Variants in MSRA observed in about 807,000 individuals in gnomAD.
MSRA encodes the protein mitochondrial peptide methionine sulfoxide reductase.
A neutral mutation model predicts 31.3 loss-of-function variants in MSRA; 54 were observed. The ratio of observed to expected loss-of-function variants is 1.73; its 90% CI spans 1.39 to 2.17. MSRA has a LOEUF of 2.17. Among genes scored for constraint, MSRA ranks in the 30% most tolerant of loss-of-function variants. MSRA has a pLI of 0.00. For synonymous variants in MSRA, 169 were observed against 116.5 expected, an observed-to-expected ratio of 1.45 and a Z score of -2.90; for missense variants, 507 against 300.9, an observed-to-expected ratio of 1.69 and a Z score of -5.07.
chr8:10,059,822 G>A (rs1012131399), intron 1 of MSRA, among the ~76,000 whole-genome samples: 1 of 152,196 alleles, frequency 6.6e-6, no homozygotes, highest in Non-Finnish European at 1.5e-5. Context: ...GTAGACGTTA[G>A]GTTATGAACA....
At chr8:10,091,218 A>C (rs558684076) in intron 1 of MSRA, among the ~76,000 whole-genome samples, 1 of 152,324 alleles carries the variant, frequency 6.6e-6, no homozygotes, top group East Asian at 1.9e-4. Flanking sequence ...TATATTCGTA[A>C]CGATATTGGT....
At chr8:10,132,644 T>TA (rs903406060) in intron 1 of MSRA, among the ~76,000 whole-genome samples, 5 of 152,228 alleles carry the variant, frequency 3.3e-5, no homozygotes, top group Non-Finnish European at 7.3e-5. Context: ...ATAAGGGCAC[T>TA]AATCCCATTC....
intron 1 of MSRA, among the ~76,000 whole-genome samples, chr8:10,153,098 T>G (rs1803849871): frequency 6.6e-6 from 1 of 152,206 alleles, no homozygotes; most frequent in Non-Finnish European, 1.5e-5. Flanking sequence ...TCAGTGTGAA[T>G]GTACTTACCA....
intron 5 of MSRA, among the ~76,000 whole-genome samples, chr8:10,339,531 CTTTTTTTTTTTTTTT>C (rs774034241): frequency 5.5e-5 from 4 of 72,832 alleles, no homozygotes; most frequent in African/African-American, 2.5e-4. Flanking sequence ...TTCTTTCTTT[CTTTTTTTTTTTTTTT>C]TTTTTTTTTT....
intron 1 of MSRA, among the ~76,000 whole-genome samples, chr8:10,154,567 C>T (rs918506306): frequency 7.9e-5 from 12 of 152,046 alleles, no homozygotes; most frequent in African/African-American, 2.9e-4. Context: ...TTAGTAGAGA[C>T]AGGATTTCAC....
intron 1 of MSRA, among the ~76,000 whole-genome samples, chr8:10,073,444 A>C (rs1440304511): frequency 6.6e-6 from 1 of 152,244 alleles, no homozygotes; most frequent in Non-Finnish European, 1.5e-5. Flanking sequence ...TAGTTGTGAT[A>C]GTGACCATAT....
chr8:10,187,367 A>G (rs1807144156), intron 1 of MSRA, among the ~76,000 whole-genome samples: 1 of 152,214 alleles, frequency 6.6e-6, no homozygotes, highest in South Asian at 2.1e-4. Context: ...AGGAAAGGAA[A>G]TGGAGATTTA....
chr8:10,161,243 T>C (rs1413450132), intron 1 of MSRA, among the ~76,000 whole-genome samples: 2 of 152,168 alleles, frequency 1.3e-5, no homozygotes, highest in East Asian at 1.9e-4. Flanking sequence ...GCTGAGAATA[T>C]TTATATAATT....
chr8:10,240,119 G>T (rs1042103660), intron 2 of MSRA, among the ~76,000 whole-genome samples: 4 of 152,200 alleles, frequency 2.6e-5, no homozygotes, highest in African/African-American at 7.2e-5. Context: ...AGGCAGGAAA[G>T]TCAAACACGT....
intron 1 of MSRA, among the ~76,000 whole-genome samples, chr8:10,107,762 C>T (rs764973250): frequency 2.0e-5 from 3 of 152,046 alleles, no homozygotes; most frequent in South Asian, 2.1e-4. Context: ...AGTAGTTTAC[C>T]GTGGTGAGCC....
intron 1 of MSRA, among the ~76,000 whole-genome samples, chr8:10,135,742 TA>T (rs1305844559): frequency 1.3e-5 from 2 of 152,222 alleles, no homozygotes; most frequent in Non-Finnish European, 2.9e-5. Flanking sequence ...CAAATATCGG[TA>T]ATTCCAAGTG....
intron 1 of MSRA, among the ~76,000 whole-genome samples, chr8:10,113,760 T>C (rs975451185): frequency 1.3e-5 from 2 of 151,754 alleles, no homozygotes; most frequent in Non-Finnish European, 2.9e-5. Flanking sequence ...CCCAGGTATT[T>C]GCATTTTTTT....
At chr8:10,244,669 T>C (rs1309360917) in intron 2 of MSRA, among the ~76,000 whole-genome samples, 1 of 152,214 alleles carries the variant, frequency 6.6e-6, no homozygotes. Context: ...TTTGGAAGTT[T>C]TCACATTAAA....
At chr8:10,094,016 C>T (rs1347989779) in intron 1 of MSRA, among the ~76,000 whole-genome samples, 2 of 152,190 alleles carry the variant, frequency 1.3e-5, no homozygotes, top group Non-Finnish European at 2.9e-5. Flanking sequence ...TGAGTCGCTT[C>T]TCCAATGCTG....
At chr8:10,080,711 T>TA (rs985508650) in intron 1 of MSRA, among the ~76,000 whole-genome samples, 1 of 107,214 alleles carries the variant, frequency 9.3e-6, no homozygotes, top group African/African-American at 3.2e-5. Flanking sequence ...TTTTTTTTTT[T>TA]AATTTCTAGT....
intron 5 of MSRA, among the ~76,000 whole-genome samples, chr8:10,323,489 G>C (rs1190312965): frequency 6.6e-6 from 1 of 152,178 alleles, no homozygotes; most frequent in Non-Finnish European, 1.5e-5. Flanking sequence ...GTGTGATGGT[G>C]AAGAGGCTTA....
At chr8:10,156,476 TATTA>T (rs1804159990) in intron 1 of MSRA, among the ~76,000 whole-genome samples, 1 of 152,106 alleles carries the variant, frequency 6.6e-6, no homozygotes, top group Non-Finnish European at 1.5e-5. Context: ...TTTGAGAAGA[TATTA>T]ATTCTTGGTG....
intron 1 of MSRA, among the ~76,000 whole-genome samples, chr8:10,093,433 T>C (rs966822379): frequency 4.6e-5 from 7 of 152,200 alleles, no homozygotes; most frequent in Admixed American, 1.3e-4. Context: ...TGTAATAATA[T>C]ACAAAAACTT....
At chr8:10,124,642 A>G in intron 1 of MSRA, among the ~76,000 whole-genome samples, 1 of 152,302 alleles carries the variant, frequency 6.6e-6, no homozygotes, top group African/African-American at 2.4e-5. Flanking sequence ...AGCTAAAATT[A>G]TTTTCATCAT....
Sources: gnomAD v4.1 joint callset for allele counts (sites outside exome capture counted in the v4.1 genomes callset) on GRCh38, gnomAD v4.1.1 for gene constraint, MANE v1.5 for transcripts, NCBI Gene and HGNC (gene_info 2026-07-23, HGNC 2026-07-21) for gene names.